Variants in ABCC9 observed in about 807,000 individuals in gnomAD.
ABCC9 encodes the protein ATP binding cassette subfamily C member 9.
In ABCC9, 95 loss-of-function variants were observed where a neutral mutation model predicts 188.3. That is an observed-to-expected ratio of 0.50 (90% CI 0.43 to 0.60). The LOEUF (loss-of-function observed/expected upper bound fraction) is 0.60. ABCC9 is among the 20% of genes least tolerant of loss of function. ABCC9 has a pLI of 0.00. For missense variants in ABCC9, 1,102 were observed against 1,876.3 expected (o/e 0.59, Z 7.62); for synonymous variants, 659 against 652.7 (o/e 1.01, Z -0.15).
Position 21,910,157 on chromosome 12 carries a change from C to G in ABCC9, c.1320G>C (p.Gln440His), listed in dbSNP as rs753391218. The G allele has an allele frequency of 6.2e-7, 1 of 1,608,984 alleles. No homozygotes were observed. Among genetic ancestry groups the G allele is most frequent in the Non-Finnish European group, 8.5e-7 (1 of 1,176,348 alleles). ...LCPNLWAMPV[Q>H]IIMGVILLYN... ...ATCTTACTTATATTTATCTACCTAC[C>G]TGAACAGGCATAGCCCATAGATTGG... is the stretch of plus-strand genomic sequence containing the variant. Residue 440 changes from glutamine (Q) to histidine (H), a missense_variant and splice_region_variant, in exon 10 of 40, where the codon CAG becomes CAC. Physicochemically the swap from Gln to His is conservative, Grantham distance 24 (BLOSUM62 0). Coordinates refer to ENST00000261200, the MANE Select transcript of ABCC9 (RefSeq NM_020297.4).
intron 16 of ABCC9, among the ~76,000 whole-genome samples, chr12:21,877,588 G>A (rs1946427569): frequency 6.6e-6 from 1 of 152,104 alleles, no homozygotes; most frequent in Non-Finnish European, 1.5e-5. Context: ...GGCTAAAAGA[G>A]GCACAAAAAT....
intron 22 of ABCC9, among the ~76,000 whole-genome samples, chr12:21,856,556 T>C (rs1481351070): frequency 6.6e-6 from 1 of 152,214 alleles, no homozygotes; most frequent in East Asian, 1.9e-4. Flanking sequence ...ACTTTTATAC[T>C]GCATCAAGGC....
At chr12:21,843,511 C>A (rs1273452256) in intron 28 of ABCC9, among the ~76,000 whole-genome samples, 1 of 152,042 alleles carries the variant, frequency 6.6e-6, no homozygotes, top group Non-Finnish European at 1.5e-5. Context: ...AAGTTTATTT[C>A]TGTTTTTATA....
chr12:21,837,949 G>A, intron 30 of ABCC9, 129 bp downstream of exon 30: 2 of 818,598 alleles, frequency 2.4e-6, no homozygotes, highest in South Asian at 2.9e-5. Flanking sequence ...CTTATTCTTG[G>A]TTTAGTACAC....
chr12:21,932,511 A>G (rs1290846615), intron 4 of ABCC9, among the ~76,000 whole-genome samples: 1 of 152,124 alleles, frequency 6.6e-6, no homozygotes, highest in Non-Finnish European at 1.5e-5. Context: ...ATTTTTGCAA[A>G]CTATGCATCC....
chr12:21,929,375 C>G (rs533313739), intron 4 of ABCC9, among the ~76,000 whole-genome samples: 2 of 151,070 alleles, frequency 1.3e-5, no homozygotes. Flanking sequence ...GAGAGTAAAC[C>G]GGAATCACAG....
At chr12:21,931,615 A>T (rs774000620) in intron 4 of ABCC9, among the ~76,000 whole-genome samples, 1 of 152,098 alleles carries the variant, frequency 6.6e-6, no homozygotes, top group Non-Finnish European at 1.5e-5. Context: ...TTTTGTGAGG[A>T]CCTGACTGAA....
chr12:21,866,445 A>G (rs1945788081), intron 18 of ABCC9, among the ~76,000 whole-genome samples: 1 of 152,190 alleles, frequency 6.6e-6, no homozygotes, highest in African/African-American at 2.4e-5. Flanking sequence ...TTCTTATAAA[A>G]CACTGTACTT....
rs1196307274 is a variant in ABCC9, at chr12:21,798,157, A to G, written c.*2887T>C. The G allele has an allele frequency of 6.6e-6, 1 of 152,214 alleles. No individual in the cohort carries two copies. The highest frequency in any genetic ancestry group is 6.5e-5 in the Admixed American group (1 of 15,276). 9.4% of individuals were successfully genotyped at this position (152,214 alleles called of 1,614,324 possible). A position where few individuals can be genotyped will look rare whatever the true frequency, so the allele number is the denominator to read the frequency against. On this transcript the variant is annotated 3_prime_UTR_variant, in exon 40 of 40. Transcript: ENST00000261200. Reference sequence around the variant, plus strand: ...AACCACTTGGCTGTAAGAATGGTGAATGTGATCTTTAGTTTAGTGTAACTA... The same window carrying G: ...AACCACTTGGCTGTAAGAATGGTGAGTGTGATCTTTAGTTTAGTGTAACTA...
At chr12:21,846,482 C>G (rs1944677982) in intron 25 of ABCC9, among the ~76,000 whole-genome samples, 1 of 152,124 alleles carries the variant, frequency 6.6e-6, no homozygotes, top group Admixed American at 6.6e-5. Flanking sequence ...TTTTGCTTTT[C>G]CAAAGGAACT....
chr12:21,810,073 T>A, intron 36 of ABCC9, 118 bp from the exon 37 acceptor site: 1 of 702,112 alleles, frequency 1.4e-6, no homozygotes, highest in Non-Finnish European at 2.5e-6. Flanking sequence ...GTTACTGCTG[T>A]ATATTCAGCA....
intron 11 of ABCC9, among the ~76,000 whole-genome samples, 199 bp from the exon 12 acceptor site, chr12:21,906,487 A>G (rs572391651): frequency 6.6e-6 from 1 of 152,230 alleles, no homozygotes; most frequent in Admixed American, 6.5e-5. Flanking sequence ...GATGGCCTCA[A>G]CATTTCTTTC....
intron 5 of ABCC9, 102 bp from the exon 6 acceptor site, chr12:21,917,205 T>G (rs1213465370): frequency 8.5e-7 from 1 of 1,171,536 alleles, no homozygotes; most frequent in Non-Finnish European, 1.3e-6. Flanking sequence ...GGCAATTTTA[T>G]GTACTATATT....
chr12:21,885,806 C>CAGAACAACAGAA (rs1946849595), intron 15 of ABCC9, among the ~76,000 whole-genome samples: 2 of 152,230 alleles, frequency 1.3e-5, no homozygotes, highest in African/African-American at 2.4e-5. Context: ...AAAACAAACA[C>CAGAACAACAGAA]CTCCAGAACA....
intron 3 of ABCC9, among the ~76,000 whole-genome samples, 182 bp from the exon 4 acceptor site, chr12:21,934,105 C>T (rs1473499399): frequency 6.6e-6 from 1 of 152,002 alleles, no homozygotes; most frequent in Non-Finnish European, 1.5e-5. Context: ...TTACAATTAA[C>T]TTTTACAAGA....
intron 9 of ABCC9, 115 bp downstream of exon 9, chr12:21,910,711 G>T: frequency 6.6e-6 from 6 of 903,590 alleles, no homozygotes; most frequent in Non-Finnish European, 1.1e-5. Flanking sequence ...CGTTGTTGTT[G>T]TAATACCAAA....
intron 31 of ABCC9, among the ~76,000 whole-genome samples, chr12:21,822,405 G>A (rs1186941686): frequency 6.6e-6 from 1 of 151,114 alleles, no homozygotes; most frequent in Non-Finnish European, 1.5e-5. Flanking sequence ...GCTCCTTTGT[G>A]TACTACACTT....
At chr12:21,856,559 A>G (rs2137472321) in intron 22 of ABCC9, among the ~76,000 whole-genome samples, 1 of 152,352 alleles carries the variant, frequency 6.6e-6, no homozygotes. Context: ...TTTATACTGC[A>G]TCAAGGCTAA....
intron 13 of ABCC9, among the ~76,000 whole-genome samples, chr12:21,894,725 C>T (rs1415193320): frequency 2.6e-5 from 4 of 152,178 alleles, no homozygotes; most frequent in Non-Finnish European, 4.4e-5. Flanking sequence ...ATCCTCCCAC[C>T]TCAGCCTCCC....
Sources: gnomAD v4.1 joint callset for allele counts (sites outside exome capture counted in the v4.1 genomes callset) on GRCh38, gnomAD v4.1.1 for gene constraint, MANE v1.5 for transcripts, NCBI Gene and HGNC (gene_info 2026-07-23, HGNC 2026-07-21) for gene names.